Variants in SLC25A26 observed in about 807,000 individuals in gnomAD.
SLC25A26 encodes solute carrier family 25 member 26.
SLC25A26 carries 36 observed loss-of-function variants against 37.8 expected under a neutral mutation model. That is an observed-to-expected ratio of 0.95 (90% confidence interval 0.73 to 1.26). The LOEUF is 1.26. Among genes scored for constraint, SLC25A26 ranks in the 50% most tolerant of loss-of-function variants. The pLI, the probability that SLC25A26 is intolerant of heterozygous loss-of-function variation, is 0.00. For synonymous variants in SLC25A26, 129 were observed against 122.5 expected (o/e 1.05, Z -0.35); for missense variants, 390 against 331.1 (o/e 1.18, Z -1.38).
chr3:66,244,664 T>C (rs1003060834), intron 3 of SLC25A26, among the ~76,000 whole-genome samples: 7 of 152,158 alleles, frequency 4.6e-5, no homozygotes, highest in African/African-American at 1.7e-4. Flanking sequence ...AGTCTGTTCC[T>C]ACCATGTGTT....
chr3:66,344,846 C>T (rs1464269770), intron 5 of SLC25A26, among the ~76,000 whole-genome samples: 2 of 152,208 alleles, frequency 1.3e-5, no homozygotes, highest in East Asian at 3.8e-4. Flanking sequence ...ATTTAGATGT[C>T]TCCTGGGGAT....
At chr3:66,345,492 C>T (rs2076299459) in intron 5 of SLC25A26, among the ~76,000 whole-genome samples, 1 of 151,350 alleles carries the variant, frequency 6.6e-6, no homozygotes, top group Non-Finnish European at 1.5e-5. Flanking sequence ...CTCCTCCTCT[C>T]TGCCCCCCTA....
At chr3:66,356,663 C>T (rs966617837) in intron 6 of SLC25A26, among the ~76,000 whole-genome samples, 1 of 152,166 alleles carries the variant, frequency 6.6e-6, no homozygotes, top group Non-Finnish European at 1.5e-5. Flanking sequence ...GGGTCTTGCT[C>T]TGTCACCCAG....
chr3:66,149,945 T>G (rs1252650365), intron 1 of SLC25A26, among the ~76,000 whole-genome samples: 2 of 152,066 alleles, frequency 1.3e-5, no homozygotes, highest in Non-Finnish European at 2.9e-5. Flanking sequence ...TATGACAGAG[T>G]CCATGGGTGG....
intron 5 of SLC25A26, among the ~76,000 whole-genome samples, chr3:66,277,997 A>G (rs1041124609): frequency 2.6e-5 from 4 of 152,138 alleles, no homozygotes; most frequent in Non-Finnish European, 4.4e-5. Context: ...AAGTAAATGC[A>G]GTGTAGGATC....
At chr3:66,210,382 TAAGTTG>T (rs1156251549) in intron 1 of SLC25A26, among the ~76,000 whole-genome samples, 2 of 152,098 alleles carry the variant, frequency 1.3e-5, no homozygotes, top group African/African-American at 4.8e-5. Flanking sequence ...GAAGCCACAT[TAAGTTG>T]AACTGGAAAA....
At chr3:66,371,429 G>C in intron 9 of SLC25A26, 2 of 1,432,902 alleles carry the variant, frequency 1.4e-6, no homozygotes, top group Non-Finnish European at 1.8e-6. Context: ...TCAGGACCCA[G>C]TTAAGGTTTT....
intron 1 of SLC25A26, among the ~76,000 whole-genome samples, chr3:66,178,541 C>T (rs1392512009): frequency 6.6e-6 from 1 of 152,138 alleles, no homozygotes; most frequent in African/African-American, 2.4e-5. Context: ...GCCCACCGCC[C>T]CACTTCCCTC....
chr3:66,327,633 T>TC (rs2075870561), intron 5 of SLC25A26, among the ~76,000 whole-genome samples: 1 of 152,078 alleles, frequency 6.6e-6, no homozygotes, highest in African/African-American at 2.4e-5. Context: ...GATTTTTTTT[T>TC]CATGATTCAT....
At chr3:66,309,403 T>A (rs1257548238) in intron 5 of SLC25A26, among the ~76,000 whole-genome samples, 1 of 152,200 alleles carries the variant, frequency 6.6e-6, no homozygotes, top group African/African-American at 2.4e-5. Flanking sequence ...TCTTCTCTCT[T>A]CATTGGTCTG....
intron 5 of SLC25A26, among the ~76,000 whole-genome samples, chr3:66,274,540 A>T (rs2074066725): frequency 1.3e-5 from 2 of 152,214 alleles, no homozygotes; most frequent in Non-Finnish European, 2.9e-5. Flanking sequence ...CAATGAACTC[A>T]AACAAATTTA....
chr3:66,369,453 T>A, intron 7 of SLC25A26, 25 bp from the exon 8 acceptor site: 1 of 1,586,970 alleles, frequency 6.3e-7, no homozygotes, highest in Non-Finnish European at 8.6e-7. Flanking sequence ...GGATCTCACT[T>A]GGGTGTTGGG....
intron 5 of SLC25A26, among the ~76,000 whole-genome samples, chr3:66,300,454 C>A (rs1202111226): frequency 6.6e-6 from 1 of 151,988 alleles, no homozygotes; most frequent in Non-Finnish European, 1.5e-5. Flanking sequence ...ATTTCTTGTT[C>A]TTTGCATATA....
At chr3:66,214,346 C>A (rs2071330247) in intron 1 of SLC25A26, among the ~76,000 whole-genome samples, 1 of 152,152 alleles carries the variant, frequency 6.6e-6, no homozygotes, top group Non-Finnish European at 1.5e-5. Context: ...GTACAGCCTG[C>A]AGAACCGTGA....
chr3:66,167,926 G>A (rs1274229397), intron 1 of SLC25A26, among the ~76,000 whole-genome samples: 1 of 152,022 alleles, frequency 6.6e-6, no homozygotes, highest in Non-Finnish European at 1.5e-5. Context: ...GGCCGAGGCG[G>A]GCGGATCACC....
chr3:66,280,706 C>T (rs1054341133), intron 5 of SLC25A26, among the ~76,000 whole-genome samples: 7 of 152,060 alleles, frequency 4.6e-5, no homozygotes, highest in African/African-American at 1.7e-4. Context: ...TGAAAAATTA[C>T]AATTTATAGA....
At chr3:66,281,924 G>A (rs923877283) in intron 5 of SLC25A26, among the ~76,000 whole-genome samples, 3 of 148,046 alleles carry the variant, frequency 2.0e-5, no homozygotes, top group Non-Finnish European at 4.4e-5. Flanking sequence ...CCAGGTTCAA[G>A]CGATTTTCCT....
chr3:66,243,741 G>A (rs782520345), intron 3 of SLC25A26, among the ~76,000 whole-genome samples: 5 of 152,198 alleles, frequency 3.3e-5, no homozygotes, highest in Admixed American at 6.5e-5. Flanking sequence ...GTGAAGAGCT[G>A]TATTTCTGCT....
intron 9 of SLC25A26, among the ~76,000 whole-genome samples, chr3:66,374,431 T>C (rs1700521710): frequency 6.6e-6 from 1 of 152,192 alleles, no homozygotes; most frequent in Admixed American, 6.5e-5. Context: ...TCGACAAATG[T>C]GGTGTGGGTT....
Sources: gnomAD v4.1 joint callset for allele counts (sites outside exome capture counted in the v4.1 genomes callset) on GRCh38, gnomAD v4.1.1 for gene constraint, MANE v1.5 for transcripts, NCBI Gene and HGNC (gene_info 2026-07-23, HGNC 2026-07-21) for gene names.